Variants in MYO3B observed in about 807,000 individuals in gnomAD.
MYO3B encodes myosin IIIB, also known as myosin-IIIb.
A neutral mutation model predicts 174.6 loss-of-function variants in MYO3B; 156 were observed. The ratio of observed to expected loss-of-function variants is 0.89; its 90% confidence interval spans 0.78 to 1.02. The LOEUF is 1.02. MYO3B is among the 50% of genes least tolerant of loss of function. The probability of loss-of-function intolerance (pLI) is 0.00; values close to 1 mark genes in which losing one functional copy is unlikely to be tolerated. For missense variants in MYO3B, 1,632 were observed against 1,639.4 expected (o/e 1.00, Z 0.08); for synonymous variants, 563 against 569.1 (o/e 0.99, Z 0.15).
chr2:170,572,203 G>A (rs1237071491), intron 32 of MYO3B, among the ~76,000 whole-genome samples: 1 of 152,176 alleles, frequency 6.6e-6, no homozygotes, highest in Non-Finnish European at 1.5e-5. Flanking sequence ...GCCGAGGCGG[G>A]TGGATCACGA....
At chr2:170,303,219 G>T (rs902804018) in intron 7 of MYO3B, among the ~76,000 whole-genome samples, 4 of 152,038 alleles carry the variant, frequency 2.6e-5, no homozygotes, top group Non-Finnish European at 5.9e-5. Flanking sequence ...TATAATAAAT[G>T]TCTATGTATC....
chr2:170,191,653 C>T (rs2092541915), intron 1 of MYO3B, among the ~76,000 whole-genome samples: 2 of 152,146 alleles, frequency 1.3e-5, no homozygotes. Context: ...TGTGCTCTCC[C>T]TCCCGCAAGT....
chr2:170,594,827 GCA>G (rs3047151), intron 32 of MYO3B, among the ~76,000 whole-genome samples: 13,972 of 134,604 alleles, frequency 0.1, 710 homozygotes, highest in East Asian at 0.3. Flanking sequence ...CCCAGCGCGC[GCA>G]CACACACACA....
chr2:170,447,417 T>G (rs941509336), intron 23 of MYO3B, among the ~76,000 whole-genome samples: 16 of 152,236 alleles, frequency 1.1e-4, no homozygotes, highest in Non-Finnish European at 2.9e-5. Flanking sequence ...TGAACACTTC[T>G]GAGGCTTCAG....
rs563775855 is a variant in MYO3B at position 170,293,106 on chromosome 2, C to A, written c.750-42279C>A. ...GTTGACTTGGAGTTTTTTCACCTCT[C>A]TGTGGCCCCAGGATGCATCTCATCC... On this transcript the variant is annotated intron_variant, in intron 7 of 34. Transcript: ENST00000408978. Among the ~76,000 whole-genome samples the A allele has an allele frequency of 7.2e-5, 11 of 152,222 alleles. No individual in the cohort carries two copies. In the South Asian group the frequency reaches 2.3e-3, roughly 32 times the overall value.
intron 28 of MYO3B, among the ~76,000 whole-genome samples, chr2:170,508,725 G>A (rs1013353568): frequency 6.6e-6 from 1 of 152,222 alleles, no homozygotes; most frequent in South Asian, 2.1e-4. Context: ...TTTGGAAAGA[G>A]TTGAAATACT....
At chr2:170,216,597 C>T (rs2092831304) in intron 5 of MYO3B, among the ~76,000 whole-genome samples, 2 of 152,116 alleles carry the variant, frequency 1.3e-5, no homozygotes, top group Admixed American at 1.3e-4. Context: ...AACATTGAGC[C>T]CCAGATAATG....
At chr2:170,231,190 G>A (rs967168141) in intron 6 of MYO3B, among the ~76,000 whole-genome samples, 15 of 152,212 alleles carry the variant, frequency 9.9e-5, no homozygotes, top group Admixed American at 9.2e-4. Flanking sequence ...CCCTCTGTGG[G>A]GTAGGAGGGA....
chr2:170,473,139 CT>C (rs66837903), intron 25 of MYO3B, among the ~76,000 whole-genome samples: 2,567 of 95,850 alleles, frequency 0.027, 12 homozygotes, highest in African/African-American at 0.051. Flanking sequence ...TTTTTCTTTT[CT>C]TTTTTTTTTT....
At chr2:170,644,813 A>G (rs1229372377) in intron 32 of MYO3B, among the ~76,000 whole-genome samples, 1 of 152,250 alleles carries the variant, frequency 6.6e-6, no homozygotes, top group Non-Finnish European at 1.5e-5. Context: ...GGCATTTGCC[A>G]GTGCTCCTGA....
At chr2:170,287,679 GGTT>G (rs1441000250) in intron 7 of MYO3B, among the ~76,000 whole-genome samples, 1 of 151,458 alleles carries the variant, frequency 6.6e-6, no homozygotes, top group Non-Finnish European at 1.5e-5. Flanking sequence ...CTATTATGTG[GGTT>G]GTTTCTTCAA....
intron 30 of MYO3B, among the ~76,000 whole-genome samples, chr2:170,539,682 C>T (rs1443333118): frequency 6.6e-6 from 1 of 151,698 alleles, no homozygotes; most frequent in Non-Finnish European, 1.5e-5. Context: ...TGCAGTGGTG[C>T]GATCTTGGCT....
At chr2:170,224,215 A>G (rs1261058687) in intron 6 of MYO3B, among the ~76,000 whole-genome samples, 1 of 152,248 alleles carries the variant, frequency 6.6e-6, no homozygotes, top group Non-Finnish European at 1.5e-5. Flanking sequence ...TCATTTTCAC[A>G]ACAGCTCTCA....
intron 32 of MYO3B, among the ~76,000 whole-genome samples, chr2:170,614,324 C>T (rs1046565073): frequency 3.9e-5 from 6 of 152,174 alleles, no homozygotes; most frequent in African/African-American, 7.2e-5. Flanking sequence ...ACACAAAGCA[C>T]ACTACTCAAC....
intron 30 of MYO3B, among the ~76,000 whole-genome samples, chr2:170,523,834 C>G (rs1688830291): frequency 6.6e-6 from 1 of 152,142 alleles, no homozygotes; most frequent in African/African-American, 2.4e-5. Flanking sequence ...GGAAATCTTT[C>G]CCAGAAGTCA....
intron 1 of MYO3B, among the ~76,000 whole-genome samples, chr2:170,192,540 TTTTTCTG>T (rs1427484892): frequency 6.6e-6 from 1 of 151,256 alleles, no homozygotes; most frequent in Admixed American, 6.6e-5. Context: ...TATTCTACTG[TTTTTCTG>T]TTTTCTAACT....
chr2:170,342,710 C>T (rs1054455755), intron 8 of MYO3B, among the ~76,000 whole-genome samples: 1 of 152,074 alleles, frequency 6.6e-6, no homozygotes, highest in Non-Finnish European at 1.5e-5. Flanking sequence ...GTATAATTTA[C>T]TTAATCCTCA....
chr2:170,553,567 C>T (rs1172653774), intron 32 of MYO3B, among the ~76,000 whole-genome samples: 2 of 62,176 alleles, frequency 3.2e-5, no homozygotes, highest in African/African-American at 9.4e-5. Flanking sequence ...TTTGGTTTTA[C>T]AGGCTTATAG....
At chr2:170,586,573 T>A (rs1372669332) in intron 32 of MYO3B, among the ~76,000 whole-genome samples, 2 of 152,226 alleles carry the variant, frequency 1.3e-5, no homozygotes, top group Non-Finnish European at 2.9e-5. Flanking sequence ...AATTTTGATG[T>A]CTTTTATTTT....
Sources: allele counts gnomAD v4.1 joint callset (sites outside exome capture counted in the v4.1 genomes callset), GRCh38; gene constraint gnomAD v4.1.1; transcripts MANE v1.5; gene names NCBI Gene and HGNC (gene_info 2026-07-23, HGNC 2026-07-21).